The following PROX2 variants were observed in gnomAD, a reference collection of about 807,000 sequenced individuals.
PROX2 encodes prospero homeobox 2.
In PROX2, 46 loss-of-function variants were observed where a neutral mutation model predicts 48.9. That is an observed-to-expected ratio of 0.94 (90% CI 0.74 to 1.20). PROX2 has a LOEUF of 1.20. PROX2 is among the 50% of genes most tolerant of loss of function. The pLI, the probability that PROX2 is intolerant of heterozygous loss-of-function variation, is 0.00. For missense variants in PROX2, 663 were observed against 719.4 expected (o/e 0.92, Z 0.90); for synonymous variants, 260 against 276.6 (o/e 0.94, Z 0.60).
At chr14:74,864,697 TG>T (rs1280326966) in intron 2 of PROX2, among the ~76,000 whole-genome samples, 2 of 151,672 alleles carry the variant, frequency 1.3e-5, no homozygotes, top group African/African-American at 4.9e-5. Context: ...CAAAATTAGC[TG>T]GGCGTGATGG....
At chr14:74,858,842 TTGTGTGTG>T (rs199587376) in intron 3 of PROX2, 3,768 of 162,120 alleles carry the variant, frequency 0.023, 156 homozygotes, top group African/African-American at 0.088. Flanking sequence ...GGTTGGTGTA[TTGTGTGTG>T]TGTGTGTGTG....
intron 1 of PROX2, among the ~76,000 whole-genome samples, chr14:74,874,587 G>C (rs1031950754): frequency 6.6e-6 from 1 of 152,098 alleles, no homozygotes; most frequent in African/African-American, 2.4e-5. Flanking sequence ...GTGGGCATTG[G>C]AGTGGACCTA....
intron 2 of PROX2, among the ~76,000 whole-genome samples, chr14:74,870,099 G>A (rs1300983559): frequency 6.6e-6 from 1 of 151,992 alleles, no homozygotes; most frequent in East Asian, 1.9e-4. Flanking sequence ...ACTGGAGTGG[G>A]GGGGTAAGAG....
chr14:74,859,959 T>C (rs2091782019), intron 3 of PROX2, among the ~76,000 whole-genome samples: 1 of 152,362 alleles, frequency 6.6e-6, no homozygotes, highest in South Asian at 2.1e-4. Flanking sequence ...ACTTAACTGC[T>C]CTGAGCCTCA....
Position 74,860,231 on chromosome 14 carries a change from G to A in PROX2, c.1306-1717C>T, listed in dbSNP as rs181941991. On this transcript the variant is annotated intron_variant, in intron 3 of 5. Coordinates refer to ENST00000556489, the MANE Select transcript of PROX2 (RefSeq NM_001243007.2). ...AGCTTATAAAGATAATACGATGTGT[G>A]TACCACACATTAATTAACATCCACA... Among the ~76,000 whole-genome samples, 27 of 152,278 alleles carry A rather than the reference G, an allele frequency of 1.8e-4. 1 individual carries two copies. In the East Asian group the frequency reaches 3.7e-3, roughly 21 times the overall value.
Position 74,862,949 on chromosome 14 carries a change from C to T in PROX2, c.886G>A (p.Ala296Thr), listed in dbSNP as rs1229871547. The part of the protein sequence containing the change: ...AALPRRVQLQ[A>T]GVPVGNLSLA... ...GATAAATTTCCTACTGGGACCCCAG[C>T]TTGTAGCTGGACCCTCCTGGGCAAG... Residue 296 changes from alanine to threonine, a missense_variant, in exon 3 of 6, where the codon GCT becomes ACT. Transcript: ENST00000556489. 3.7e-6 allele frequency: 6 copies of T among 1,613,846 alleles called. No individual in the cohort carries two copies. The East Asian group carries it at 1.3e-4, about 36-fold the overall frequency.
At position 74,863,874 on chromosome 14, in the gene PROX2, T is replaced by A; in HGVS notation, c.-40A>T. On this transcript the variant is annotated 5_prime_UTR_variant, in exon 3 of 6. Transcript: ENST00000556489. ...CAGGGCTTCAGGAATTCCTCCTCCT[T>A]ATTTCCTCAGCTGGAAGTGCACCCA... is the stretch of plus-strand genomic sequence containing the variant. 1 of 1,448,472 alleles carries A rather than the reference T, an allele frequency of 6.9e-7. No homozygotes were observed. 89.7% of individuals were successfully genotyped at this position (1,448,472 alleles called of 1,614,324 possible). A position where few individuals can be genotyped will look rare whatever the true frequency, so the allele number is the denominator to read the frequency against.
At chr14:74,872,490 G>T (rs1386502563) in intron 1 of PROX2, among the ~76,000 whole-genome samples, 2 of 152,052 alleles carry the variant, frequency 1.3e-5, no homozygotes, top group Non-Finnish European at 2.9e-5. Flanking sequence ...GCCCACCACT[G>T]GCATTTCATA....
At chr14:74,868,012 C>G (rs1883108000) in intron 2 of PROX2, among the ~76,000 whole-genome samples, 1 of 152,064 alleles carries the variant, frequency 6.6e-6, no homozygotes, top group Non-Finnish European at 1.5e-5. Flanking sequence ...GCCCACAGCC[C>G]TTTATCTGGG....
intron 2 of PROX2, among the ~76,000 whole-genome samples, chr14:74,869,479 TG>T (rs1206065137): frequency 6.6e-6 from 1 of 152,176 alleles, no homozygotes; most frequent in Admixed American, 6.6e-5. Flanking sequence ...GGTTTCTGCA[TG>T]GTGGTCAGGC....
chr14:74,873,624 G>A, intron 1 of PROX2: 1 of 288,200 alleles, frequency 3.5e-6, no homozygotes, highest in South Asian at 3.9e-5. Context: ...CAAGGTGCCA[G>A]TCGCCTCCTG....
intron 1 of PROX2, chr14:74,873,675 A>G (rs924338651): frequency 1.6e-5 from 6 of 373,136 alleles, no homozygotes; most frequent in African/African-American, 4.3e-5. Context: ...ATATTTTTAA[A>G]AAAACAAAAT....
chr14:74,857,157 C>G, intron 4 of PROX2, 162 bp from the exon 5 acceptor site: 1 of 589,428 alleles, frequency 1.7e-6, no homozygotes, highest in South Asian at 2.8e-5. Flanking sequence ...ATTTTCCAAG[C>G]CTATTTAGTT....
At chr14:74,857,609 A>G (rs988887430) in intron 4 of PROX2, 7 of 152,292 alleles carry the variant, frequency 4.6e-5, no homozygotes, top group African/African-American at 1.4e-4. Context: ...TGGTCCCAAC[A>G]ATTAGTTTGA....
In PROX2 at chr14:74,863,873, T is replaced by G; in HGVS notation, c.-39A>C. ...TCAGGGCTTCAGGAATTCCTCCTCC[T>G]TATTTCCTCAGCTGGAAGTGCACCC... On this transcript the variant is annotated 5_prime_UTR_variant, in exon 3 of 6. Transcript: ENST00000556489. The G allele has an allele frequency of 6.9e-7, 1 of 1,448,998 alleles. No individual in the cohort carries two copies. Among genetic ancestry groups the G allele is most frequent in the Non-Finnish European group, 9.0e-7 (1 of 1,108,380 alleles). The allele number at this position is 1,448,998 out of a possible 1,614,324, so 89.8% of individuals were successfully genotyped here.
intron 2 of PROX2, among the ~76,000 whole-genome samples, chr14:74,869,638 T>C (rs1883162857): frequency 6.6e-6 from 1 of 152,204 alleles, no homozygotes; most frequent in South Asian, 2.1e-4. Context: ...TATTCGTGTG[T>C]TACTTGTATA....
Position 74,866,126 on chromosome 14 carries a change from C to T in PROX2, c.-174-2118G>A, listed in dbSNP as rs113248142. On this transcript the variant is annotated intron_variant, in intron 2 of 5. Transcript: ENST00000556489. ...TACAAAAATTAGCCGAGTGTGGTGG[C>T]GGGCACCTGTAGTCCCAGCTACTTG... 4.3e-3 allele frequency among the ~76,000 whole-genome samples: 656 copies of T among 151,810 alleles called. 11 individuals are homozygous for T. The highest frequency in any genetic ancestry group is 0.015 in the African/African-American group (627 of 41,396).
chr14:74,855,325 A>G, intron 5 of PROX2, 23 bp from the exon 6 acceptor site: 1 of 1,515,286 alleles, frequency 6.6e-7, no homozygotes, highest in Admixed American at 1.9e-5. Context: ...AGAGACCCAC[A>G]AGAAAGAAAA....
In PROX2 at chr14:74,863,158, A is replaced by C; in HGVS notation, c.677T>G (p.Leu226Arg). 1.9e-6 allele frequency: 3 copies of C among 1,614,030 alleles called. No homozygotes were observed. Among genetic ancestry groups the C allele is most frequent in the Non-Finnish European group, 1.7e-6 (2 of 1,179,898 alleles). The change falls in exon 3 of 6, where the codon CTG (leucine) becomes CGG (arginine). Residue 226 changes from leucine to arginine, a missense_variant. Transcript: ENST00000556489. ...PSGAPASLEI[L>R]RKELTRAVSQ... ...CACTGCCCTGGTCAGCTCTTTCCTC[A>C]GAATCTCTAGTGAAGCTGGTGCTCC...
Sources: gnomAD v4.1 joint callset for allele counts (sites outside exome capture counted in the v4.1 genomes callset) on GRCh38, gnomAD v4.1.1 for gene constraint, MANE v1.5 for transcripts, NCBI Gene and HGNC (gene_info 2026-07-23, HGNC 2026-07-21) for gene names.